The following PRR14L variants were observed in gnomAD, a reference collection of about 807,000 sequenced individuals.
The protein encoded by PRR14L is proline rich 14 like.
Under a neutral mutation model 155.0 loss-of-function variants are expected in PRR14L, and 80 were observed. That is an observed-to-expected ratio of 0.52 (90% CI 0.43 to 0.62). The LOEUF (loss-of-function observed/expected upper bound fraction) is 0.62. Among genes scored for constraint, PRR14L ranks in the 20% least tolerant of loss-of-function variants. The pLI is 0.00. For missense variants in PRR14L, 2,469 were observed against 2,548.0 expected (o/e 0.97, Z 0.67); for synonymous variants, 883 against 916.0 (o/e 0.96, Z 0.65).
At chr22:31,728,067 C>T (rs550253298) in intron 2 of PRR14L, among the ~76,000 whole-genome samples, 147 of 152,012 alleles carry the variant, frequency 9.7e-4, no homozygotes, top group African/African-American at 3.3e-3. Context: ...CCCCCAACAG[C>T]CTTACCATGG....
chr22:31,716,338 T>C lies in PRR14L; in HGVS notation c.1501A>G (p.Ser501Gly), dbSNP rs1238221236. 1 of 1,551,200 alleles carries C rather than the reference T, an allele frequency of 6.4e-7. No individual in the cohort carries two copies. The highest frequency in any genetic ancestry group is 8.7e-7 in the Non-Finnish European group (1 of 1,146,878). Reference protein sequence around the residue: ...EDHKETFTNMSHPGGHSEESS... With the variant: ...EDHKETFTNMGHPGGHSEESS... Reference sequence around the variant, plus strand: ...TCTTCAGAGTGTCCACCAGGATGGCTCATATTAGTAAAAGTTTCTTTATGG... The same window carrying C: ...TCTTCAGAGTGTCCACCAGGATGGCCCATATTAGTAAAAGTTTCTTTATGG... The change falls in exon 4 of 9, where the codon AGC (serine) becomes GGC (glycine). Residue 501 changes from serine to glycine, a missense_variant. By Grantham distance (56) the Ser-to-Gly change is moderately conservative. Around this residue, in one of 2 missense-constraint regions of PRR14L, gnomAD observed 2,363 missense variants for 2,371.6 expected, o/e 1.00. Transcript: ENST00000327423.
At chr22:31,735,947 G>A (rs34733460) in intron 2 of PRR14L, among the ~76,000 whole-genome samples, 59,145 of 151,224 alleles carry the variant, frequency 0.39, 12,559 homozygotes, top group Middle Eastern at 0.56. Flanking sequence ...CAGCTACTCA[G>A]GAGGCTGAGG....
In PRR14L at chr22:31,685,554, C is replaced by A; in HGVS notation, c.6429G>T (p.Glu2143Asp). 8 of 1,551,918 alleles carry A rather than the reference C, an allele frequency of 5.2e-6. No individual in the cohort carries two copies. The highest frequency in any genetic ancestry group is 7.0e-6 in the Non-Finnish European group (8 of 1,146,868). The stretch of plus-strand genomic sequence containing the variant: ...AACAGCCTGATGATTGTTCCTGCTC[C>A]TCTTCCTTGGCAAAGAAGGTCTCCA... ...MELETFFAKE[E>D]EQEQSSGC Residue 2143 changes from glutamate (E) to aspartate (D), a missense_variant, in exon 9 of 9, where the codon GAG (glutamate) becomes GAT (aspartate). Physicochemically the swap from Glu to Asp is conservative, Grantham distance 45. Coordinates refer to ENST00000327423, the MANE Select transcript of PRR14L (RefSeq NM_173566.3).
chr22:31,741,239 C>T (rs2074811405), intron 1 of PRR14L, among the ~76,000 whole-genome samples: 1 of 117,126 alleles, frequency 8.5e-6, no homozygotes. Flanking sequence ...AGTGACAGAG[C>T]GAGGCTCTGT....
intron 1 of PRR14L, among the ~76,000 whole-genome samples, chr22:31,745,174 G>T (rs568842176): frequency 1.1e-4 from 17 of 152,160 alleles, no homozygotes; most frequent in African/African-American, 3.6e-4. Context: ...TCAGGAGATC[G>T]AGACCATCCT....
At chr22:31,711,399 A>G (rs1012463854) in intron 4 of PRR14L, among the ~76,000 whole-genome samples, 1 of 152,166 alleles carries the variant, frequency 6.6e-6, no homozygotes, top group Non-Finnish European at 1.5e-5. Flanking sequence ...TGAATCCGGG[A>G]GGCAGAAGTT....
intron 2 of PRR14L, among the ~76,000 whole-genome samples, chr22:31,729,278 C>T (rs1274035286): frequency 6.6e-6 from 1 of 152,212 alleles, no homozygotes; most frequent in Admixed American, 6.5e-5. Flanking sequence ...GTGGCACAAC[C>T]TCCGCTCACT....
At chr22:31,706,296 G>C (rs1325581812) in intron 4 of PRR14L, among the ~76,000 whole-genome samples, 1 of 146,584 alleles carries the variant, frequency 6.8e-6, no homozygotes, top group African/African-American at 2.5e-5. Flanking sequence ...CCAGGAGGCA[G>C]AGGCTGCAGT....
intron 2 of PRR14L, among the ~76,000 whole-genome samples, chr22:31,736,491 T>C (rs1314556475): frequency 6.6e-6 from 1 of 151,840 alleles, no homozygotes; most frequent in East Asian, 1.9e-4. Flanking sequence ...TGAAGCCCAC[T>C]AACAACAATT....
In PRR14L at chr22:31,738,423, A is replaced by C; in HGVS notation, c.438T>G (p.His146Gln). 6.4e-7 allele frequency: 1 copy of C among 1,552,340 alleles called. No homozygotes were observed. Among genetic ancestry groups the C allele is most frequent in the South Asian group, 1.2e-5 (1 of 84,062 alleles). Reference protein sequence around the residue: ...SEGAKEDPHQHSTAAEEKTSP... With the variant: ...SEGAKEDPHQQSTAAEEKTSP... ...TAGTCTTTTCTTCAGCAGCTGTGGA[A>C]TGTTGATGTGGATCTTCCTTTGCTC... The change falls in exon 2 of 9, where the codon CAT (histidine) becomes CAG (glutamine). Residue 146 changes from histidine to glutamine, a missense_variant. By Grantham distance (24) the His-to-Gln change is conservative. Around this residue, in one of 2 missense-constraint regions of PRR14L, gnomAD observed 2,363 missense variants for 2,371.6 expected, o/e 1.00. Coordinates refer to ENST00000327423, the MANE Select transcript of PRR14L (RefSeq NM_173566.3).
intron 8 of PRR14L, among the ~76,000 whole-genome samples, chr22:31,686,428 A>AC (rs2074483148): frequency 6.7e-6 from 1 of 149,124 alleles, no homozygotes; most frequent in Non-Finnish European, 1.5e-5. Flanking sequence ...TAAAAAAAAA[A>AC]CTTTTTTTTT....
chr22:31,688,075 T>A, intron 8 of PRR14L, 81 bp downstream of exon 8: 6 of 1,222,510 alleles, frequency 4.9e-6, no homozygotes, highest in African/African-American at 1.6e-5. Context: ...GAACATAAAC[T>A]CTTTCTAAAG....
intron 7 of PRR14L, 45 bp from the exon 8 acceptor site, chr22:31,688,272 T>C (rs770506423): frequency 1.1e-5 from 16 of 1,497,086 alleles, no homozygotes; most frequent in South Asian, 5.1e-5. Context: ...CTCTCTCTCT[T>C]TTTTTTTTCA....
Position 31,685,295 on chromosome 22 carries a change from T to C in PRR14L, c.*232A>G. ...GTCCATTTCCAGGAGAAAGGGAGCA[T>C]TCCTGAGGTTCTATACTCAGCAGTA... On this transcript the variant is annotated 3_prime_UTR_variant, in exon 9 of 9. Coordinates refer to ENST00000327423, the MANE Select transcript of PRR14L (RefSeq NM_173566.3). 2.2e-6 allele frequency: 1 copy of C among 460,930 alleles called. No individual in the cohort carries two copies. Among genetic ancestry groups the C allele is most frequent in the Admixed American group, 3.8e-5 (1 of 26,306 alleles). The allele number at this position is 460,930 out of a possible 1,614,324, so 28.6% of individuals were successfully genotyped here.
chr22:31,700,747 G>A (rs2074558906), intron 7 of PRR14L, among the ~76,000 whole-genome samples: 1 of 152,094 alleles, frequency 6.6e-6, no homozygotes, highest in African/African-American at 2.4e-5. Flanking sequence ...GTAGAGACGG[G>A]GTTTCTCCAT....
In PRR14L at chr22:31,685,325, T is replaced by C. The variant is rs2074476864; in HGVS notation, c.*202A>G. On this transcript the variant is annotated 3_prime_UTR_variant, in exon 9 of 9. Coordinates refer to ENST00000327423, the MANE Select transcript of PRR14L (RefSeq NM_173566.3). ...GAGGTTCTATACTCAGCAGTAAAAG[T>C]AGAGGACCCTCCTTCACCAGTTTCT... The C allele has an allele frequency of 5.3e-6, 3 of 566,888 alleles. No homozygotes were observed. The highest frequency in any genetic ancestry group is 9.3e-6 in the Non-Finnish European group (3 of 321,968). 35.1% of individuals were successfully genotyped at this position (566,888 alleles called of 1,614,324 possible).
At position 31,715,844 on chromosome 22, in the gene PRR14L, A is replaced by G. The variant is rs140488993; in HGVS notation, c.1995T>C (p.Asn665=). Residue 665 remains asparagine, a synonymous_variant, in exon 4 of 9, where the codon AAT becomes AAC. Transcript: ENST00000327423. ...AATGCAGTAGAGAGTCAGTTGGCAA[A>G]TTTGCATGTTCTTGAGAATTAAGGG... is the stretch of plus-strand genomic sequence containing the variant. ...QVSLNSQEHA[N]LPTDSLLHLN... 4.5e-6 allele frequency: 7 copies of G among 1,551,586 alleles called. No individual in the cohort carries two copies. In the East Asian group the frequency reaches 1.2e-4, roughly 27 times the overall value.
At chr22:31,743,529 G>A (rs771755458) in intron 1 of PRR14L, among the ~76,000 whole-genome samples, 1 of 151,906 alleles carries the variant, frequency 6.6e-6, no homozygotes, top group South Asian at 2.1e-4. Flanking sequence ...GGCCGGGAGC[G>A]GTGGCTCAAG....
intron 2 of PRR14L, among the ~76,000 whole-genome samples, chr22:31,733,904 C>CCACA (rs201258835): frequency 0.029 from 4,291 of 150,166 alleles, 187 homozygotes; most frequent in African/African-American, 0.096. Context: ...ACCACCACCA[C>CCACA]CACACACACA....
Sources: gnomAD v4.1 joint callset for allele counts (sites outside exome capture counted in the v4.1 genomes callset) on GRCh38, gnomAD v4.1.1 for gene constraint, gnomAD v4.1.1 regional missense constraint, MANE v1.5 for transcripts, NCBI Gene and HGNC (gene_info 2026-07-23, HGNC 2026-07-21) for gene names.